The following RNF14 variants were observed in gnomAD, a reference collection of about 807,000 sequenced individuals.
The protein encoded by RNF14 is ring finger protein 14.
Under a neutral mutation model 52.6 loss-of-function variants are expected in RNF14, and 26 were observed. That is an observed-to-expected ratio of 0.49 (90% CI 0.36 to 0.69). The LOEUF is 0.69. Among genes scored for constraint, RNF14 ranks in the 30% least tolerant of loss-of-function variants. The pLI is 0.00. For synonymous variants in RNF14, 194 were observed against 202.0 expected (o/e 0.96, Z 0.34); for missense variants, 404 against 560.4 (o/e 0.72, Z 2.82).
chr5:141,987,677 C>T, intron 8 of RNF14, 56 bp from the exon 9 acceptor site: 1 of 1,522,294 alleles, frequency 6.6e-7, no homozygotes, highest in Non-Finnish European at 9.1e-7. Flanking sequence ...AGCGGAGAGG[C>T]AATTTATATT....
At chr5:141,958,045 A>C, upstream of RNF14, 1 of 637,482 alleles carries the variant, frequency 1.6e-6, no homozygotes, top group Non-Finnish European at 2.6e-6. Context: ...ATTGGAAGCG[A>C]TCTGAGATGT....
At chr5:141,961,857 T>A (rs1753277327), upstream of RNF14, among the ~76,000 whole-genome samples, 1 of 152,100 alleles carries the variant, frequency 6.6e-6, no homozygotes, top group Admixed American at 6.5e-5. Context: ...GCCAGCTGAA[T>A]GAAGGCTGAG....
In RNF14 at chr5:141,983,391, G is replaced by T; in HGVS notation, c.1075G>T (p.Asp359Tyr). 2 of 1,611,430 alleles carry T rather than the reference G, an allele frequency of 1.2e-6. No individual in the cohort carries two copies. Among genetic ancestry groups the T allele is most frequent in the Non-Finnish European group, 1.7e-6 (2 of 1,179,234 alleles). ...ATTTCACTTTGTAGAGAAATTAATGGACTTACGAAATGAATACCTGCAAGC... is the reference window on the plus strand; with the variant it reads ...ATTTCACTTTGTAGAGAAATTAATGTACTTACGAAATGAATACCTGCAAGC... ...PCKVTAEKLMDLRNEYLQADE... is the reference protein window; with the variant it reads ...PCKVTAEKLMYLRNEYLQADE... Residue 359 changes from aspartate (D) to tyrosine (Y), a missense_variant, in exon 7 of 9, where the codon GAC (aspartate) becomes TAC (tyrosine). Physicochemically the swap from Asp to Tyr is radical, Grantham distance 160. Coordinates refer to ENST00000394520, the MANE Select transcript of RNF14 (RefSeq NM_004290.5).
rs149370878 is a variant in RNF14 at position 141,970,693 on chromosome 5, C to A, written c.-180-11C>A. The stretch of plus-strand genomic sequence containing the variant: ...GGTCCTAACACCATCTTTTGTATTT[C>A]TTTTCTGCAGATGGCAGGATTTTCA... On this transcript the variant is annotated splice_polypyrimidine_tract_variant and intron_variant, in intron 1 of 8. Coordinates refer to ENST00000394520, the MANE Select transcript of RNF14 (RefSeq NM_004290.5). The A allele has an allele frequency of 7.9e-5, 12 of 152,446 alleles. No individual in the cohort carries two copies. The highest frequency in any genetic ancestry group is 1.9e-4 in the East Asian group (1 of 5,328). The allele number at this position is 152,446 out of a possible 1,614,324, so 9.4% of individuals were successfully genotyped here.
At chr5:141,964,411 A>G (rs1753299952), upstream of RNF14, among the ~76,000 whole-genome samples, 2 of 152,208 alleles carry the variant, frequency 1.3e-5, no homozygotes, top group African/African-American at 2.4e-5. Context: ...TCAATTATCT[A>G]TGATCAGTTT....
rs1754959030 is a variant in RNF14, at chr5:141,983,471, G to T, written c.1155G>T (p.Gln385His). The change falls in exon 7 of 9, where the codon CAG (glutamine) becomes CAT (histidine). Residue 385 changes from glutamine to histidine, a missense_variant. By Grantham distance (24) the Gln-to-His change is conservative (BLOSUM62 0). Coordinates refer to ENST00000394520, the MANE Select transcript of RNF14 (RefSeq NM_004290.5). ...AAAGGTATGGTAAGAGAGTGATTCAGAAGGCACTGGAAGAGATGGAAAGTA... is the reference window on the plus strand; with the variant it reads ...AAAGGTATGGTAAGAGAGTGATTCATAAGGCACTGGAAGAGATGGAAAGTA... Reference protein sequence around the residue: ...LDQRYGKRVIQKALEEMESKE... With the variant: ...LDQRYGKRVIHKALEEMESKE... 6.2e-7 allele frequency: 1 copy of T among 1,613,578 alleles called. No homozygotes were observed. The highest frequency in any genetic ancestry group is 8.5e-7 in the Non-Finnish European group (1 of 1,179,972).
rs1000675298 is a variant in RNF14, at chr5:141,969,123, G to C, written c.-225G>C. The C allele has an allele frequency of 6.6e-6, 1 of 152,468 alleles. No individual in the cohort carries two copies. Among genetic ancestry groups the C allele is most frequent in the African/African-American group, 2.4e-5 (1 of 41,464 alleles). 9.4% of individuals were successfully genotyped at this position (152,468 alleles called of 1,614,324 possible). On this transcript the variant is annotated 5_prime_UTR_variant, in exon 1 of 9. Coordinates refer to ENST00000394520, the MANE Select transcript of RNF14 (RefSeq NM_004290.5). Reference sequence around the variant, plus strand: ...AGCTCCCGAGAACGGAAGAGGCGGCGCGCCGGTTGAGCAGGGCGTCTCTAG... The same window carrying C: ...AGCTCCCGAGAACGGAAGAGGCGGCCCGCCGGTTGAGCAGGGCGTCTCTAG...
intron 8 of RNF14, among the ~76,000 whole-genome samples, chr5:141,986,408 T>G (rs1465322372): frequency 6.6e-6 from 1 of 152,194 alleles, no homozygotes; most frequent in Admixed American, 6.5e-5. Context: ...ATTCTACAAA[T>G]GGAGGGTGCA....
chr5:141,987,812 G>A lies in RNF14; in HGVS notation c.*22G>A, dbSNP rs1343693789. The A allele has an allele frequency of 6.2e-7, 1 of 1,609,074 alleles. No individual in the cohort carries two copies. The highest frequency in any genetic ancestry group is 8.5e-7 in the Non-Finnish European group (1 of 1,176,788). On this transcript the variant is annotated 3_prime_UTR_variant, in exon 9 of 9. Coordinates refer to ENST00000394520, the MANE Select transcript of RNF14 (RefSeq NM_004290.5). ...CTAGTTAACTACTGCTCAAGATATG[G>A]AAGTGGATTGTTTTTCCCTAATCTT...
chr5:141,979,228 TG>T (rs1561552629), intron 5 of RNF14, among the ~76,000 whole-genome samples: 6,005 of 71,256 alleles, frequency 0.084, 240 homozygotes, highest in African/African-American at 0.22. Context: ...ACTTAGGTGG[TG>T]GTGGTGTTGT....
chr5:141,971,900 G>C (rs184747209), intron 2 of RNF14, among the ~76,000 whole-genome samples: 1 of 151,918 alleles, frequency 6.6e-6, no homozygotes, highest in Non-Finnish European at 1.5e-5. Flanking sequence ...TGCCTGCCTT[G>C]GTCTCCCAAA....
chr5:141,963,163 C>G (rs1427320640), upstream of RNF14: 2 of 152,358 alleles, frequency 1.3e-5, no homozygotes, highest in Non-Finnish European at 2.9e-5. Context: ...TTCCTTCCTT[C>G]TAACTCCCAG....
chr5:141,962,632 A>G (rs1219407902), upstream of RNF14, among the ~76,000 whole-genome samples: 1 of 152,246 alleles, frequency 6.6e-6, no homozygotes, highest in Non-Finnish European at 1.5e-5. Context: ...GAGGCTGTGA[A>G]GGAGGTAGAA....
rs191162221 is a variant in RNF14, at chr5:141,974,308, G to T, written c.155-496G>T. ...TTTAAATGAAACTTTGATTGTGAGA[G>T]TGTTGTGTGCTATATTATATCCTCA... On this transcript the variant is annotated intron_variant, in intron 3 of 8. Transcript: ENST00000394520. Among the ~76,000 whole-genome samples the T allele has an allele frequency of 8.1e-4, 124 of 152,358 alleles. 1 individual carries two copies. Among genetic ancestry groups the T allele is most frequent in the Non-Finnish European group, 7.3e-5 (5 of 68,040 alleles).
At chr5:141,986,695 A>C (rs931695946) in intron 8 of RNF14, among the ~76,000 whole-genome samples, 9 of 152,210 alleles carry the variant, frequency 5.9e-5, no homozygotes, top group African/African-American at 1.7e-4. Context: ...GGTGGCTGTT[A>C]TGACAGGTTG....
chr5:141,956,231 C>G, upstream of RNF14: 1 of 1,614,174 alleles, frequency 6.2e-7, no homozygotes, highest in South Asian at 1.1e-5. Flanking sequence ...ATGGGTTGCC[C>G]GCTGTCCTCT....
At position 141,972,298 on chromosome 5, in the gene RNF14, T is replaced by C; in HGVS notation, c.-6-1285T>C. 1.3e-5 allele frequency among the ~76,000 whole-genome samples: 2 copies of C among 151,270 alleles called. 1 individual carries two copies. Among genetic ancestry groups the C allele is most frequent in the South Asian group, 4.2e-4 (2 of 4,744 alleles). ...AGGCTGGAGTGCAGTGGTGCTATCA[T>C]GGCTCACTGCAGCCTCGACCTCCCA... On this transcript the variant is annotated intron_variant, in intron 2 of 8. Transcript: ENST00000394520.
chr5:141,958,580 T>C (rs1172526712), intron 1 of RNF14: 1 of 152,420 alleles, frequency 6.6e-6, no homozygotes, highest in Admixed American at 6.5e-5. Flanking sequence ...TTCCCAATCT[T>C]GTTTACCTCT....
chr5:141,973,526 C>T, intron 2 of RNF14, 57 bp from the exon 3 acceptor site: 1 of 1,479,698 alleles, frequency 6.8e-7, no homozygotes, highest in East Asian at 2.4e-5. Context: ...GTGTGAGCCA[C>T]CACACCCGGC....
Sources: allele counts gnomAD v4.1 joint callset (sites outside exome capture counted in the v4.1 genomes callset), GRCh38; gene constraint gnomAD v4.1.1; transcripts MANE v1.5; gene names NCBI Gene and HGNC (gene_info 2026-07-23, HGNC 2026-07-21).